CSMD1: variants seen among roughly 807,000 people sequenced by gnomAD.
CSMD1 encodes CUB and sushi domain-containing protein 1.
In CSMD1, 213 loss-of-function variants were observed where a neutral mutation model predicts 417.5. The ratio of observed to expected loss-of-function variants is 0.51; its 90% CI spans 0.46 to 0.57. The LOEUF (loss-of-function observed/expected upper bound fraction) is 0.57. Among genes scored for constraint, CSMD1 ranks in the 20% least tolerant of loss-of-function variants. The pLI, the probability that CSMD1 is intolerant of heterozygous loss-of-function variation, is 0.00. For synonymous variants in CSMD1, 2,862 were observed against 1,736.8 expected, an observed-to-expected ratio of 1.65 and a Z score of -16.11; for missense variants, 6,923 against 4,529.7, an observed-to-expected ratio of 1.53 and a Z score of -15.17.
intron 41 of CSMD1, among the ~76,000 whole-genome samples, chr8:3,129,808 G>A (rs1817696623): frequency 2.0e-5 from 3 of 152,064 alleles, no homozygotes; most frequent in Admixed American, 2.0e-4. Context: ...GCCCAAGATG[G>A]TGAAACCCTG....
intron 2 of CSMD1, among the ~76,000 whole-genome samples, chr8:4,448,192 A>G (rs143986772): frequency 4.6e-5 from 7 of 152,314 alleles, no homozygotes; most frequent in East Asian, 1.9e-4. Flanking sequence ...TCTATTTTTA[A>G]AAGTTTTTTA....
chr8:3,432,495 T>G lies in CSMD1; in HGVS notation c.1562-22890A>C, dbSNP rs1486070602. Among the ~76,000 whole-genome samples the G allele has an allele frequency of 4.0e-5, 6 of 150,528 alleles. No homozygotes were observed. The East Asian group carries it at 1.2e-3, about 29-fold the overall frequency. On this transcript the variant is annotated intron_variant, in intron 12 of 69. Transcript: ENST00000635120. The stretch of plus-strand genomic sequence containing the variant: ...TCCCATTACTGAAAGTTAAAAATTG[T>G]TTTCAATATGGGCTTTTTTTTTTTT...
intron 3 of CSMD1, among the ~76,000 whole-genome samples, chr8:4,323,029 A>T (rs899941021): frequency 6.6e-6 from 1 of 152,214 alleles, no homozygotes; most frequent in Admixed American, 6.5e-5. Context: ...TGCAGCAGGA[A>T]TCTGAGAATA....
chr8:3,321,475 A>G (rs900525658), intron 23 of CSMD1, among the ~76,000 whole-genome samples: 1 of 152,148 alleles, frequency 6.6e-6, no homozygotes, highest in Non-Finnish European at 1.5e-5. Flanking sequence ...CACCACAAGT[A>G]GGCAATGACA....
intron 1 of CSMD1, among the ~76,000 whole-genome samples, chr8:4,984,408 A>T (rs1811061607): frequency 6.6e-6 from 1 of 152,228 alleles, no homozygotes; most frequent in East Asian, 1.9e-4. Flanking sequence ...TCCGACCTTC[A>T]GCTTTAAAGA....
chr8:4,000,421 T>C (rs1299487659), intron 4 of CSMD1, among the ~76,000 whole-genome samples: 1 of 152,204 alleles, frequency 6.6e-6, no homozygotes, highest in Non-Finnish European at 1.5e-5. Flanking sequence ...ATCAGTACCA[T>C]ATAAAAATAA....
At chr8:4,759,035 G>A (rs539683947) in intron 1 of CSMD1, among the ~76,000 whole-genome samples, 2 of 152,336 alleles carry the variant, frequency 1.3e-5, no homozygotes, top group African/African-American at 4.8e-5. Flanking sequence ...CAGATGCGGA[G>A]ATGGAGTTGA....
At chr8:3,764,996 C>T (rs183529820) in intron 5 of CSMD1, among the ~76,000 whole-genome samples, 22 of 152,116 alleles carry the variant, frequency 1.4e-4, no homozygotes, top group African/African-American at 4.1e-4. Context: ...CTGCCCACTT[C>T]GGCCTCCCAA....
chr8:4,002,236 T>G (rs1007128684), intron 4 of CSMD1, among the ~76,000 whole-genome samples: 1 of 152,090 alleles, frequency 6.6e-6, no homozygotes, highest in African/African-American at 2.4e-5. Flanking sequence ...TGCATGTGTG[T>G]GCGTGTGTTT....
intron 5 of CSMD1, among the ~76,000 whole-genome samples, chr8:3,757,390 C>G (rs767598870): frequency 6.6e-6 from 1 of 152,182 alleles, no homozygotes; most frequent in Non-Finnish European, 1.5e-5. Context: ...TCCAATAACA[C>G]TTTATTTACG....
chr8:3,247,650 G>T (rs574315835), intron 26 of CSMD1, among the ~76,000 whole-genome samples: 2 of 152,186 alleles, frequency 1.3e-5, no homozygotes, highest in East Asian at 3.9e-4. Flanking sequence ...AGCAGGCAAG[G>T]CCCCCGCCCC....
intron 3 of CSMD1, among the ~76,000 whole-genome samples, chr8:4,066,351 T>C (rs944928600): frequency 6.6e-6 from 1 of 152,228 alleles, no homozygotes; most frequent in Admixed American, 6.5e-5. Flanking sequence ...TGTCATTGTA[T>C]GTGTGTATTT....
At chr8:4,808,564 C>G (rs1275855216) in intron 1 of CSMD1, among the ~76,000 whole-genome samples, 1 of 152,108 alleles carries the variant, frequency 6.6e-6, no homozygotes, top group African/African-American at 2.4e-5. Flanking sequence ...TTAATATGTT[C>G]CTAGACACTT....
intron 12 of CSMD1, among the ~76,000 whole-genome samples, chr8:3,465,391 C>T (rs778978339): frequency 1.3e-5 from 2 of 152,074 alleles, no homozygotes; most frequent in Non-Finnish European, 2.9e-5. Flanking sequence ...TCACATATGC[C>T]CAAGCCTACG....
At chr8:4,128,104 A>C (rs1519174) in intron 3 of CSMD1, among the ~76,000 whole-genome samples, 1 of 152,142 alleles carries the variant, frequency 6.6e-6, no homozygotes, top group Non-Finnish European at 1.5e-5. Flanking sequence ...CTTCACATGC[A>C]TCTGGCAAAC....
At chr8:3,368,414 G>A (rs1013588309) in intron 19 of CSMD1, among the ~76,000 whole-genome samples, 1 of 152,116 alleles carries the variant, frequency 6.6e-6, no homozygotes, top group Admixed American at 6.5e-5. Context: ...TCAGCTCACT[G>A]CAACTTCCGC....
chr8:4,772,580 A>G (rs1205388864), intron 1 of CSMD1, among the ~76,000 whole-genome samples: 2 of 152,240 alleles, frequency 1.3e-5, no homozygotes, highest in Non-Finnish European at 2.9e-5. Context: ...ATTGAAAAAT[A>G]TCAAAGTGTT....
intron 3 of CSMD1, among the ~76,000 whole-genome samples, chr8:4,247,547 G>A (rs1247354817): frequency 6.6e-6 from 1 of 152,092 alleles, no homozygotes; most frequent in Admixed American, 6.5e-5. Context: ...AAGAATCAAA[G>A]GCTTTTAAGA....
intron 1 of CSMD1, among the ~76,000 whole-genome samples, chr8:4,769,925 A>T (rs931623561): frequency 3.9e-5 from 6 of 152,126 alleles, no homozygotes; most frequent in Non-Finnish European, 2.9e-5. Context: ...ATTAATTGGG[A>T]TTAAAAATAA....
Sources: allele counts gnomAD v4.1 joint callset (sites outside exome capture counted in the v4.1 genomes callset), GRCh38; gene constraint gnomAD v4.1.1; transcripts MANE v1.5; gene names NCBI Gene and HGNC (gene_info 2026-07-23, HGNC 2026-07-21).